The following GOLGA5 variants were observed in gnomAD, a reference collection of about 807,000 sequenced individuals.
GOLGA5 encodes the protein golgin subfamily A member 5.
A neutral mutation model predicts 93.5 loss-of-function variants in GOLGA5; 50 were observed. The ratio of observed to expected loss-of-function variants is 0.53; its 90% CI spans 0.43 to 0.68. GOLGA5 has a LOEUF of 0.68. Ranked by LOEUF, GOLGA5 falls within the 30% of genes least tolerant of loss-of-function variation. The pLI is 0.00. For missense variants in GOLGA5, 760 were observed against 856.4 expected (o/e 0.89, Z 1.40); for synonymous variants, 312 against 304.5 (o/e 1.02, Z -0.26).
Position 92,839,371 on chromosome 14 carries a change from G to C in GOLGA5, c.2121G>C (p.Leu707Phe). ...ARVFVIIYMALLHLWVMIVLL... is the reference protein window; with the variant it reads ...ARVFVIIYMAFLHLWVMIVLL... The stretch of plus-strand genomic sequence containing the variant: ...ATTGCTTTTTCTTTCTCTAGGCTTT[G>C]CTTCACCTCTGGGTCATGATTGTTC... Residue 707 changes from leucine (L) to phenylalanine (F), a missense_variant, in exon 13 of 13, where the codon TTG (leucine) becomes TTC (phenylalanine). By Grantham distance (22) the Leu-to-Phe change is conservative. Transcript: ENST00000163416. 1 of 1,610,836 alleles carries C rather than the reference G, an allele frequency of 6.2e-7. No homozygotes were observed. Among genetic ancestry groups the C allele is most frequent in the Non-Finnish European group, 8.5e-7 (1 of 1,177,326 alleles).
intron 1 of GOLGA5, among the ~76,000 whole-genome samples, chr14:92,795,635 A>C (rs954753173): frequency 6.6e-6 from 1 of 152,206 alleles, no homozygotes; most frequent in African/African-American, 2.4e-5. Context: ...GTGAGTGCCT[A>C]CTGTGTGCTA....
In GOLGA5 at chr14:92,809,431, G is replaced by T; in HGVS notation, c.904G>T (p.Ala302Ser). 3 of 1,613,954 alleles carry T rather than the reference G, an allele frequency of 1.9e-6. No homozygotes were observed. The highest frequency in any genetic ancestry group is 2.5e-6 in the Non-Finnish European group (3 of 1,179,894). Residue 302 changes from alanine (A) to serine (S), a missense_variant, in exon 4 of 13, where the codon GCT (alanine) becomes TCT (serine). Transcript: ENST00000163416. ...TGTGGCTGCAAAGGATTCCCAGCTG[G>T]CTGTACTGAAAGTGAGACTCCAGGA... Reference protein sequence around the residue: ...EAVAAKDSQLAVLKVRLQEAD... With the variant: ...EAVAAKDSQLSVLKVRLQEAD...
At chr14:92,795,074 A>G (rs1051204451) in intron 1 of GOLGA5, among the ~76,000 whole-genome samples, 2 of 84,494 alleles carry the variant, frequency 2.4e-5, no homozygotes, top group Admixed American at 1.2e-4. Context: ...GGGAGGCAAG[A>G]TATAAAGAAT....
chr14:92,802,368 A>G (rs1393152954), intron 2 of GOLGA5, among the ~76,000 whole-genome samples: 1 of 152,180 alleles, frequency 6.6e-6, no homozygotes, highest in Non-Finnish European at 1.5e-5. Flanking sequence ...ATAGCAATCT[A>G]GATGGCTCTT....
At chr14:92,834,671 T>G (rs1885602915) in intron 10 of GOLGA5, among the ~76,000 whole-genome samples, 1 of 152,228 alleles carries the variant, frequency 6.6e-6, no homozygotes, top group Non-Finnish European at 1.5e-5. Flanking sequence ...GAGCTTAGAA[T>G]AGGCCGTTGA....
chr14:92,831,798 G>A (rs1431844292), intron 9 of GOLGA5, among the ~76,000 whole-genome samples: 3 of 152,080 alleles, frequency 2.0e-5, no homozygotes, highest in East Asian at 1.9e-4. Flanking sequence ...GGGGAGTGCT[G>A]TAAAGGATTC....
intron 3 of GOLGA5, among the ~76,000 whole-genome samples, chr14:92,807,681 T>G (rs1276355990): frequency 1.3e-5 from 2 of 152,160 alleles, no homozygotes; most frequent in Non-Finnish European, 2.9e-5. Context: ...TCAGTGCCCT[T>G]GGGAATTGTG....
rs562323026 is a variant in GOLGA5 at position 92,839,499 on chromosome 14, G to T, written c.*53G>T. ...TTGTCTTTTTCTAGACTTGGGATCTGCAAGAAGGCCAATTGCCTAAAATTT... is the reference window on the plus strand; with the variant it reads ...TTGTCTTTTTCTAGACTTGGGATCTTCAAGAAGGCCAATTGCCTAAAATTT... On this transcript the variant is annotated 3_prime_UTR_variant, in exon 13 of 13. Transcript: ENST00000163416. The T allele has an allele frequency of 1.3e-4, 152 of 1,191,756 alleles. No homozygotes were observed. The highest frequency in any genetic ancestry group is 3.8e-5 in the Non-Finnish European group (31 of 805,692). 73.8% of individuals were successfully genotyped at this position (1,191,756 alleles called of 1,614,324 possible). A position where few individuals can be genotyped will look rare whatever the true frequency, so the allele number is the denominator to read the frequency against.
chr14:92,814,067 C>T (rs937928154), intron 6 of GOLGA5, among the ~76,000 whole-genome samples: 4 of 151,420 alleles, frequency 2.6e-5, no homozygotes, highest in Admixed American at 2.6e-4. Flanking sequence ...GAGAGTATGA[C>T]GAATTATGGT....
At chr14:92,834,184 CT>C (rs35449807) in intron 10 of GOLGA5, among the ~76,000 whole-genome samples, 250 of 135,114 alleles carry the variant, frequency 1.9e-3, no homozygotes, top group Non-Finnish European at 3.6e-3. Flanking sequence ...TAGGTTTCAC[CT>C]TTTTTTTTTT....
At chr14:92,817,835 C>T (rs1386966139) in intron 7 of GOLGA5, among the ~76,000 whole-genome samples, 4 of 152,202 alleles carry the variant, frequency 2.6e-5, no homozygotes, top group African/African-American at 4.8e-5. Flanking sequence ...TTCCACAAGG[C>T]ACTTCATCTT....
At chr14:92,809,756 CCA>C (rs538356514) in intron 4 of GOLGA5, among the ~76,000 whole-genome samples, 395 of 152,162 alleles carry the variant, frequency 2.6e-3, no homozygotes, top group African/African-American at 8.9e-3. Context: ...GAGTTCGAGA[CCA>C]GCCTGACCAA....
Position 92,813,570 on chromosome 14 carries a change from C to G in GOLGA5, c.1320+1816C>G, listed in dbSNP as rs148342959. Among the ~76,000 whole-genome samples the G allele has an allele frequency of 4.3e-3, 651 of 152,244 alleles. 2 individuals are homozygous for G. Among genetic ancestry groups the G allele is most frequent in the Non-Finnish European group, 6.5e-3 (439 of 68,026 alleles). On this transcript the variant is annotated intron_variant, in intron 6 of 12. Transcript: ENST00000163416. ...CATATTTAAGGGACTGCAGCTAGTT[C>G]CATACTGCTGGAACATAACGTCTTC... is the stretch of plus-strand genomic sequence containing the variant.
At chr14:92,799,614 TA>T (rs1884823901) in intron 2 of GOLGA5, among the ~76,000 whole-genome samples, 1 of 148,072 alleles carries the variant, frequency 6.8e-6, no homozygotes, top group South Asian at 2.1e-4. Context: ...TTTATTTATT[TA>T]TTTTTTTGTG....
intron 12 of GOLGA5, 54 bp downstream of exon 12, chr14:92,837,503 T>TTG (rs1555406269): frequency 2.4e-5 from 17 of 713,684 alleles, no homozygotes; most frequent in Non-Finnish European, 3.8e-5. Context: ...AACTAGTTTT[T>TTG]TTTTTTGTTT....
At chr14:92,809,945 C>T (rs543278179) in intron 4 of GOLGA5, among the ~76,000 whole-genome samples, 5 of 152,200 alleles carry the variant, frequency 3.3e-5, no homozygotes, top group South Asian at 4.1e-4. Flanking sequence ...GCAAAAAGAG[C>T]GAAACTCCAT....
At chr14:92,820,306 G>A (rs1316805683) in intron 8 of GOLGA5, among the ~76,000 whole-genome samples, 2 of 152,238 alleles carry the variant, frequency 1.3e-5, no homozygotes. Flanking sequence ...GGATGTGCAC[G>A]TAGGCCAGAT....
chr14:92,810,182 CTA>C, intron 4 of GOLGA5, 70 bp from the exon 5 acceptor site: 1 of 1,095,912 alleles, frequency 9.1e-7, no homozygotes, highest in Non-Finnish European at 1.3e-6. Flanking sequence ...AGCTGACGCT[CTA>C]AAAATTATTC....
intron 2 of GOLGA5, among the ~76,000 whole-genome samples, chr14:92,804,363 G>A (rs1448778476): frequency 6.6e-6 from 1 of 151,854 alleles, no homozygotes; most frequent in Admixed American, 6.6e-5. Flanking sequence ...ACCACGCCTG[G>A]CCTACTTCAT....
Sources: allele counts gnomAD v4.1 joint callset (sites outside exome capture counted in the v4.1 genomes callset), GRCh38; gene constraint gnomAD v4.1.1; transcripts MANE v1.5; gene names NCBI Gene and HGNC (gene_info 2026-07-23, HGNC 2026-07-21).